Variants in PRKCB observed in about 807,000 individuals in gnomAD.
PRKCB encodes the protein protein kinase C beta type.
Under a neutral mutation model 81.5 loss-of-function variants are expected in PRKCB, and 13 were observed. That is an observed-to-expected ratio of 0.16 (90% confidence interval 0.10 to 0.25). The LOEUF is 0.25. PRKCB is among the 10% of genes least tolerant of loss of function. The probability of loss-of-function intolerance (pLI) is 1.00; values close to 1 mark genes in which losing one functional copy is unlikely to be tolerated. For missense variants in PRKCB, 509 were observed against 875.7 expected, an observed-to-expected ratio of 0.58 and a Z score of 5.29; for synonymous variants, 335 against 321.4, an observed-to-expected ratio of 1.04 and a Z score of -0.45.
chr16:24,158,913 G>A (rs1043849171), intron 10 of PRKCB, among the ~76,000 whole-genome samples: 7 of 152,020 alleles, frequency 4.6e-5, no homozygotes, highest in Admixed American at 3.3e-4. Context: ...CTCTTACCTC[G>A]GCCTCCCAAA....
intron 5 of PRKCB, among the ~76,000 whole-genome samples, chr16:24,054,704 G>A (rs1391987040): frequency 1.3e-5 from 2 of 152,196 alleles, no homozygotes; most frequent in African/African-American, 4.8e-5. Context: ...CGCTGACCAA[G>A]CCGTTGACAG....
In PRKCB at chr16:24,071,285, G is replaced by C. The variant is rs558098466; in HGVS notation, c.530-21506G>C. Reference sequence around the variant, plus strand: ...ATCTGGTATGGTAAGAGGAGCCTGAGCTACCTCTTCTCTGCATTGCCTTGA... The same window carrying C: ...ATCTGGTATGGTAAGAGGAGCCTGACCTACCTCTTCTCTGCATTGCCTTGA... On this transcript the variant is annotated intron_variant, in intron 5 of 16. Transcript: ENST00000643927. Among the ~76,000 whole-genome samples, 69 of 152,034 alleles carry C rather than the reference G, an allele frequency of 4.5e-4. 1 individual carries two copies. The South Asian group carries it at 5.0e-3, about 11-fold the overall frequency.
At chr16:24,072,408 T>C (rs1966121166) in intron 5 of PRKCB, among the ~76,000 whole-genome samples, 2 of 151,458 alleles carry the variant, frequency 1.3e-5, no homozygotes, top group Non-Finnish European at 2.9e-5. Context: ...GCTGGGACTG[T>C]AGGCATGCAC....
intron 2 of PRKCB, among the ~76,000 whole-genome samples, chr16:23,881,163 G>A (rs201672000): frequency 6.6e-6 from 1 of 151,944 alleles, no homozygotes; most frequent in East Asian, 1.9e-4. Context: ...AGGCCCATGA[G>A]TCTCTGTGTC....
chr16:24,136,363 G>A (rs1407926404), intron 9 of PRKCB, among the ~76,000 whole-genome samples: 1 of 152,150 alleles, frequency 6.6e-6, no homozygotes, highest in Non-Finnish European at 1.5e-5. Flanking sequence ...AAGCCAGAGT[G>A]AGTAAAGCGG....
At chr16:24,210,486 C>G (rs965013366) in intron 16 of PRKCB, among the ~76,000 whole-genome samples, 10 of 151,462 alleles carry the variant, frequency 6.6e-5, no homozygotes, top group African/African-American at 2.4e-4. Context: ...CACTCCATCC[C>G]CTGGACTTTC....
chr16:23,862,648 TA>T (rs1258798461), intron 2 of PRKCB, among the ~76,000 whole-genome samples: 1 of 152,236 alleles, frequency 6.6e-6, no homozygotes, highest in Non-Finnish European at 1.5e-5. Flanking sequence ...AGGTTGGGTC[TA>T]GCTGAAGCTT....
chr16:23,934,200 A>G (rs1429453869), intron 2 of PRKCB, among the ~76,000 whole-genome samples: 2 of 149,324 alleles, frequency 1.3e-5, no homozygotes, highest in African/African-American at 5.0e-5. Context: ...TTGATATTAG[A>G]TAGCTATGGT....
At position 24,216,906 on chromosome 16, in the gene PRKCB, C is replaced by G. The variant is rs978043438; in HGVS notation, c.*2090C>G. 1.0e-6 allele frequency: 1 copy of G among 985,304 alleles called. No homozygotes were observed. Among genetic ancestry groups the G allele is most frequent in the East Asian group, 1.1e-4 (1 of 8,812 alleles). The allele number at this position is 985,304 out of a possible 1,614,324, so 61.0% of individuals were successfully genotyped here. A position where few individuals can be genotyped will look rare whatever the true frequency, so the allele number is the denominator to read the frequency against. On this transcript the variant is annotated 3_prime_UTR_variant, in exon 17 of 17. Transcript: ENST00000643927. ...CAGAAAGTGCAGGGTGCTTTCTGCTCTGTAGCAAGGCAGCAGACATCTCTG... is the reference window on the plus strand; with the variant it reads ...CAGAAAGTGCAGGGTGCTTTCTGCTGTGTAGCAAGGCAGCAGACATCTCTG...
In PRKCB at chr16:23,860,917, A is replaced by C. The variant is rs1211937570; in HGVS notation, c.205+23511A>C. ...TGAGACTCAGTATAAAAAAGAAAAA[A>C]ATGTTTTTTTCTTTTAATTCTTCGG... is the stretch of plus-strand genomic sequence containing the variant. On this transcript the variant is annotated intron_variant, in intron 2 of 16. Coordinates refer to ENST00000643927, the MANE Select transcript of PRKCB (RefSeq NM_002738.7). 2.6e-5 allele frequency among the ~76,000 whole-genome samples: 4 copies of C among 151,992 alleles called. No individual in the cohort carries two copies. In the East Asian group the frequency reaches 7.7e-4, roughly 29 times the overall value.
intron 5 of PRKCB, among the ~76,000 whole-genome samples, chr16:24,068,276 T>A (rs1966062965): frequency 6.6e-6 from 1 of 152,170 alleles, no homozygotes; most frequent in Non-Finnish European, 1.5e-5. Flanking sequence ...GAAAAATCAA[T>A]GCCTAGCGTT....
intron 3 of PRKCB, among the ~76,000 whole-genome samples, chr16:24,022,984 G>A (rs1965425590): frequency 6.6e-6 from 1 of 152,232 alleles, no homozygotes; most frequent in Non-Finnish European, 1.5e-5. Flanking sequence ...TGGCCTGGAG[G>A]TGTCTAGTCA....
chr16:23,843,284 C>A (rs1962297993), intron 2 of PRKCB, among the ~76,000 whole-genome samples: 1 of 152,074 alleles, frequency 6.6e-6, no homozygotes, highest in African/African-American at 2.4e-5. Flanking sequence ...GAGGTTACTT[C>A]TATTGTTTCA....
chr16:23,923,207 A>C (rs1963850739), intron 2 of PRKCB, among the ~76,000 whole-genome samples: 1 of 152,088 alleles, frequency 6.6e-6, no homozygotes, highest in Non-Finnish European at 1.5e-5. Flanking sequence ...AAAAAGTCCA[A>C]GGGTAGCTGC....
intron 3 of PRKCB, among the ~76,000 whole-genome samples, chr16:23,989,897 G>C (rs1013137317): frequency 2.6e-5 from 4 of 152,142 alleles, no homozygotes; most frequent in Non-Finnish European, 5.9e-5. Context: ...TGGGAACTGA[G>C]GGGAAGACCT....
chr16:24,166,736 G>C (rs1161133572), intron 10 of PRKCB, among the ~76,000 whole-genome samples: 1 of 152,194 alleles, frequency 6.6e-6, no homozygotes, highest in Non-Finnish European at 1.5e-5. Context: ...TCCTGGCATA[G>C]AGTGGGCATC....
chr16:24,192,848 G>A (rs992238318), intron 16 of PRKCB, among the ~76,000 whole-genome samples: 3 of 152,168 alleles, frequency 2.0e-5, no homozygotes, highest in Admixed American at 6.5e-5. Context: ...GGCTCTCCAG[G>A]TGACTTGATG....
chr16:23,942,837 G>A (rs1289689340), intron 2 of PRKCB, among the ~76,000 whole-genome samples: 1 of 152,188 alleles, frequency 6.6e-6, no homozygotes, highest in Non-Finnish European at 1.5e-5. Flanking sequence ...CCCAGAGCCT[G>A]AGGTTTCTTA....
rs368336210 is a variant in PRKCB at position 23,998,909 on chromosome 16, C to A, written c.288+10319C>A. ...CCCTCTCTGTATGAATGAAGGAGTGCAGCCATTCATTGCCTTGAGCATGAG... is the reference window on the plus strand; with the variant it reads ...CCCTCTCTGTATGAATGAAGGAGTGAAGCCATTCATTGCCTTGAGCATGAG... On this transcript the variant is annotated intron_variant, in intron 3 of 16. Coordinates refer to ENST00000643927, the MANE Select transcript of PRKCB (RefSeq NM_002738.7). Among the ~76,000 whole-genome samples, 44 of 152,326 alleles carry A rather than the reference C, an allele frequency of 2.9e-4. No individual in the cohort carries two copies. In the South Asian group the frequency reaches 8.9e-3, roughly 31 times the overall value.
Sources: allele counts gnomAD v4.1 joint callset (sites outside exome capture counted in the v4.1 genomes callset), GRCh38; gene constraint gnomAD v4.1.1; transcripts MANE v1.5; gene names NCBI Gene and HGNC (gene_info 2026-07-23, HGNC 2026-07-21).